GALNTL6: variants seen among roughly 807,000 people sequenced by gnomAD.
The protein encoded by GALNTL6 is polypeptide N-acetylgalactosaminyltransferase like 6, also known as polypeptide N-acetylgalactosaminyltransferase-like 6.
GALNTL6 carries 46 observed loss-of-function variants against 73.7 expected under a neutral mutation model. That is an observed-to-expected ratio of 0.62 (90% CI 0.49 to 0.80). The LOEUF (loss-of-function observed/expected upper bound fraction) is 0.80, where lower values mean the gene tolerates loss of function less well. Among genes scored for constraint, GALNTL6 ranks in the 30% least tolerant of loss-of-function variants. The probability of loss-of-function intolerance (pLI) is 0.00; values close to 1 mark genes in which losing one functional copy is unlikely to be tolerated. For synonymous variants in GALNTL6, 259 were observed against 263.7 expected (o/e 0.98, Z 0.17); for missense variants, 604 against 755.0 (o/e 0.80, Z 2.34).
rs146606653 is a variant in GALNTL6, at chr4:171,891,664, A to G, written c.138+76946A>G. ...TTGTGCTGTAGTGAGTATTTTTGACATTGGGAAAATCTTACAAATGTTTAG... is the reference window on the plus strand; with the variant it reads ...TTGTGCTGTAGTGAGTATTTTTGACGTTGGGAAAATCTTACAAATGTTTAG... On this transcript the variant is annotated intron_variant, in intron 2 of 12. Coordinates refer to ENST00000506823, the MANE Select transcript of GALNTL6 (RefSeq NM_001034845.3). Among the ~76,000 whole-genome samples, 23 of 152,308 alleles carry G rather than the reference A, an allele frequency of 1.5e-4. No homozygotes were observed. The East Asian group carries it at 3.9e-3, about 26-fold the overall frequency.
chr4:172,994,103 G>A (rs1324444642), intron 10 of GALNTL6, among the ~76,000 whole-genome samples: 1 of 152,160 alleles, frequency 6.6e-6, no homozygotes, highest in Non-Finnish European at 1.5e-5. Flanking sequence ...TGAGAAGCAC[G>A]TATGAGATTT....
intron 5 of GALNTL6, among the ~76,000 whole-genome samples, chr4:172,533,316 A>ATCT (rs1735232178): frequency 1.3e-5 from 1 of 77,394 alleles, no homozygotes; most frequent in Non-Finnish European, 2.2e-5. Context: ...CCCGGCCAGA[A>ATCT]TTTTTTTTTT....
At chr4:172,092,747 C>T (rs1732239764) in intron 2 of GALNTL6, among the ~76,000 whole-genome samples, 2 of 151,862 alleles carry the variant, frequency 1.3e-5, no homozygotes, top group African/African-American at 2.4e-5. Context: ...CTTTTTCTAC[C>T]CCTACCTTTT....
chr4:171,820,109 A>G (rs1202030533), intron 2 of GALNTL6, among the ~76,000 whole-genome samples: 1 of 152,154 alleles, frequency 6.6e-6, no homozygotes, highest in Non-Finnish European at 1.5e-5. Context: ...CCTGTGTGCT[A>G]TGGAAATATG....
chr4:172,980,324 C>T (rs1247218932), intron 10 of GALNTL6, among the ~76,000 whole-genome samples: 1 of 152,214 alleles, frequency 6.6e-6, no homozygotes. Flanking sequence ...CATACCAGTA[C>T]AGTGACATTA....
At chr4:172,022,179 GTACCTATCTGACAAGAGATTTTTATT>G (rs1266681472) in intron 2 of GALNTL6, among the ~76,000 whole-genome samples, 1 of 151,870 alleles carries the variant, frequency 6.6e-6, no homozygotes, top group East Asian at 1.9e-4. Context: ...TATTTGCAAG[GTACCTATCTGACAAGAGATTTTTATT>G]ATTTGCTCAG....
intron 5 of GALNTL6, among the ~76,000 whole-genome samples, chr4:172,453,098 G>T (rs1732269201): frequency 1.3e-5 from 2 of 152,104 alleles, no homozygotes; most frequent in Admixed American, 1.3e-4. Context: ...CTACTCCGGA[G>T]GCTGCGGCAG....
chr4:171,895,535 G>T (rs1736885438), intron 2 of GALNTL6, among the ~76,000 whole-genome samples: 1 of 152,134 alleles, frequency 6.6e-6, no homozygotes, highest in Admixed American at 6.6e-5. Context: ...TGAGGACCGA[G>T]TTGCTGTCCA....
At chr4:172,679,607 A>G (rs764280682) in intron 5 of GALNTL6, among the ~76,000 whole-genome samples, 4 of 152,162 alleles carry the variant, frequency 2.6e-5, no homozygotes, top group South Asian at 2.1e-4. Context: ...TCTCTGTCTT[A>G]GATGCTGACT....
intron 8 of GALNTL6, among the ~76,000 whole-genome samples, chr4:172,904,490 TG>T: frequency 6.6e-6 from 1 of 152,178 alleles, no homozygotes; most frequent in Non-Finnish European, 1.5e-5. Context: ...TTCTGGTTCT[TG>T]TCCTCACCTA....
intron 5 of GALNTL6, among the ~76,000 whole-genome samples, chr4:172,494,269 T>C (rs562757180): frequency 6.6e-6 from 1 of 152,338 alleles, no homozygotes; most frequent in Non-Finnish European, 1.5e-5. Flanking sequence ...TTGTCAGCCT[T>C]GCTATATAGA....
At chr4:172,078,859 T>G (rs1731791268) in intron 2 of GALNTL6, among the ~76,000 whole-genome samples, 1 of 152,172 alleles carries the variant, frequency 6.6e-6, no homozygotes, top group Non-Finnish European at 1.5e-5. Flanking sequence ...AATCTAAATT[T>G]TAAAAAACTT....
At chr4:172,352,164 GCTAA>G (rs767202607) in intron 5 of GALNTL6, among the ~76,000 whole-genome samples, 2 of 152,176 alleles carry the variant, frequency 1.3e-5, no homozygotes, top group South Asian at 2.1e-4. Context: ...ACAGAATAAT[GCTAA>G]CTATTACCAA....
intron 12 of GALNTL6, among the ~76,000 whole-genome samples, chr4:173,038,451 G>A (rs988481967): frequency 2.0e-5 from 3 of 152,182 alleles, no homozygotes. Flanking sequence ...GGAGAGGGAG[G>A]AGAGAGTTTC....
At chr4:172,443,793 GA>G (rs1168962509) in intron 5 of GALNTL6, among the ~76,000 whole-genome samples, 5 of 152,138 alleles carry the variant, frequency 3.3e-5, no homozygotes, top group Non-Finnish European at 7.4e-5. Flanking sequence ...ACAGAAAACT[GA>G]AAACCTATAT....
At chr4:172,632,254 G>A (rs1175036261) in intron 5 of GALNTL6, among the ~76,000 whole-genome samples, 2 of 152,230 alleles carry the variant, frequency 1.3e-5, no homozygotes, top group East Asian at 3.8e-4. Flanking sequence ...AGCCACTTTG[G>A]AACTGGGTAA....
chr4:172,681,050 C>T (rs191177473), intron 5 of GALNTL6, among the ~76,000 whole-genome samples: 85 of 152,240 alleles, frequency 5.6e-4, no homozygotes, highest in African/African-American at 2.0e-3. Flanking sequence ...CAGCATCTTC[C>T]TTCTGATTGA....
At chr4:172,013,815 A>AT (rs1019202461) in intron 2 of GALNTL6, among the ~76,000 whole-genome samples, 1 of 151,810 alleles carries the variant, frequency 6.6e-6, no homozygotes, top group African/African-American at 2.4e-5. Context: ...TCTTCTAACT[A>AT]TTTTTTGGAT....
chr4:173,038,008 G>T (rs1753763207), intron 12 of GALNTL6, among the ~76,000 whole-genome samples: 1 of 152,176 alleles, frequency 6.6e-6, no homozygotes. Context: ...CTCCCAAAGT[G>T]CTGGAATCAC....
Sources: gnomAD v4.1 joint callset for allele counts (sites outside exome capture counted in the v4.1 genomes callset) on GRCh38, gnomAD v4.1.1 for gene constraint, MANE v1.5 for transcripts, NCBI Gene and HGNC (gene_info 2026-07-23, HGNC 2026-07-21) for gene names.